SLIT3: variants seen among roughly 807,000 people sequenced by gnomAD.
SLIT3 encodes slit guidance ligand 3.
SLIT3 carries 68 observed loss-of-function variants against 184.0 expected under a neutral mutation model. That is an observed-to-expected ratio of 0.37 (90% CI 0.30 to 0.45). SLIT3 has a LOEUF of 0.45. SLIT3 is among the 20% of genes least tolerant of loss of function. The pLI, the probability that SLIT3 is intolerant of heterozygous loss-of-function variation, is 1.00. For synonymous variants in SLIT3, 831 were observed against 828.6 expected (o/e 1.00, Z -0.05); for missense variants, 1,707 against 2,026.0 (o/e 0.84, Z 3.02).
intron 30 of SLIT3, among the ~76,000 whole-genome samples, chr5:168,686,255 G>C (rs749846085): frequency 3.3e-4 from 50 of 152,174 alleles, no homozygotes; most frequent in Admixed American, 1.8e-3. Flanking sequence ...TAAAATCATG[G>C]AGTTGGACTA....
At chr5:168,896,884 C>T (rs1040989661) in intron 4 of SLIT3, among the ~76,000 whole-genome samples, 6 of 152,162 alleles carry the variant, frequency 3.9e-5, no homozygotes, top group African/African-American at 1.4e-4. Context: ...ACTTCTGTGC[C>T]GGCTCAGGGC....
intron 3 of SLIT3, among the ~76,000 whole-genome samples, chr5:169,211,633 G>A (rs1764268469): frequency 6.6e-6 from 1 of 151,878 alleles, no homozygotes; most frequent in Non-Finnish European, 1.5e-5. Flanking sequence ...ACATGTCTAA[G>A]TAGCTGGCAT....
chr5:168,878,039 T>TA (rs1759801073), intron 5 of SLIT3, among the ~76,000 whole-genome samples: 1 of 152,204 alleles, frequency 6.6e-6, no homozygotes, highest in South Asian at 2.1e-4. Flanking sequence ...GCCCAGTACC[T>TA]AGCACAGTTT....
At chr5:168,666,722 G>C in intron 35 of SLIT3, 33 bp from the exon 36 acceptor site, 1 of 1,613,740 alleles carries the variant, frequency 6.2e-7, no homozygotes, top group South Asian at 1.1e-5. Flanking sequence ...GGCATTGGTG[G>C]TCTAGGTGGC....
At chr5:169,065,126 C>A (rs947172231) in intron 4 of SLIT3, among the ~76,000 whole-genome samples, 102 of 152,140 alleles carry the variant, frequency 6.7e-4, no homozygotes, top group African/African-American at 2.2e-3. Flanking sequence ...AGGTGCAAAG[C>A]GAAACCTGCA....
intron 4 of SLIT3, among the ~76,000 whole-genome samples, chr5:169,168,276 C>T (rs1334147795): frequency 2.0e-5 from 3 of 152,136 alleles, no homozygotes; most frequent in East Asian, 1.9e-4. Flanking sequence ...TATCCAAAAC[C>T]GCTCACTCAA....
chr5:168,919,983 T>C (rs942142771), intron 4 of SLIT3, among the ~76,000 whole-genome samples: 38 of 152,320 alleles, frequency 2.5e-4, no homozygotes, highest in Middle Eastern at 3.4e-3. Flanking sequence ...TCAGTAGATA[T>C]AGTACTAAGT....
chr5:168,708,313 A>T, intron 25 of SLIT3: 1 of 612,344 alleles, frequency 1.6e-6, no homozygotes, highest in Non-Finnish European at 2.9e-6. Context: ...TCACAGTGGG[A>T]CATCATTCAG....
chr5:168,998,546 A>G (rs1755590073), intron 4 of SLIT3, among the ~76,000 whole-genome samples: 1 of 152,096 alleles, frequency 6.6e-6, no homozygotes, highest in Non-Finnish European at 1.5e-5. Flanking sequence ...TCTACTAAAA[A>G]TACAAAAATT....
chr5:168,863,045 C>T (rs181244342), intron 5 of SLIT3, among the ~76,000 whole-genome samples: 11 of 152,268 alleles, frequency 7.2e-5, no homozygotes, highest in East Asian at 3.9e-4. Flanking sequence ...CAGACGGAGA[C>T]GAATGCCATG....
intron 3 of SLIT3, among the ~76,000 whole-genome samples, chr5:169,227,658 C>T (rs1450372526): frequency 6.6e-6 from 1 of 152,220 alleles, no homozygotes; most frequent in East Asian, 1.9e-4. Context: ...AAAGTGACCT[C>T]AAGGTGATCC....
At position 169,222,509 on chromosome 5, in the gene SLIT3, T is replaced by C. The variant is rs143773620; in HGVS notation, c.341+22196A>G. On this transcript the variant is annotated intron_variant, in intron 3 of 35. Transcript: ENST00000519560. ...CTCAGGTGACAATTACTTGTCAGGA[T>C]TGTGATGAAAGAAAAAAAAGATAGT... Among the ~76,000 whole-genome samples, 536 of 152,194 alleles carry C rather than the reference T, an allele frequency of 3.5e-3. 2 individuals carry two copies. Among genetic ancestry groups the C allele is most frequent in the African/African-American group, 0.012 (512 of 41,518 alleles).
rs1466483151 is a variant in SLIT3, at chr5:168,724,500, A to G, written c.2271-16T>C. Reference sequence around the variant, plus strand: ...TTCCAGGTACCTGAAAGAGGTGTGGAGAGACAACACCTGAGAAAGAGACAC... The same window carrying G: ...TTCCAGGTACCTGAAAGAGGTGTGGGGAGACAACACCTGAGAAAGAGACAC... On this transcript the variant is annotated splice_polypyrimidine_tract_variant and intron_variant, in intron 20 of 35. Coordinates refer to ENST00000519560, the MANE Select transcript of SLIT3 (RefSeq NM_003062.4). 1.2e-6 allele frequency: 2 copies of G among 1,608,050 alleles called. No homozygotes were observed. Among genetic ancestry groups the G allele is most frequent in the African/African-American group, 2.7e-5 (2 of 74,932 alleles).
chr5:168,666,110 TTTAAAGCATTTTTATTAGTCTA>T lies in SLIT3; in HGVS notation c.*322_*343del. On this transcript the variant is annotated 3_prime_UTR_variant, in exon 36 of 36. Transcript: ENST00000519560. Reference sequence around the variant, plus strand: ...TCATTCTTTATTCTTATCCTTTTGTTTTAAAGCATTTTTATTAGTCTATTTTTTTCTTAAATTTTTAAACAGC... The same window carrying T: ...TCATTCTTTATTCTTATCCTTTTGTTTTTTTTTCTTAAATTTTTAAACAGC... 1 of 173,230 alleles carries T rather than the reference TTTAAAGCATTTTTATTAGTCTA, an allele frequency of 5.8e-6. No homozygotes were observed. The highest frequency in any genetic ancestry group is 1.2e-5 in the Non-Finnish European group (1 of 82,868). 10.7% of individuals were successfully genotyped at this position (173,230 alleles called of 1,614,324 possible). A position where few individuals can be genotyped will look rare whatever the true frequency, so the allele number is the denominator to read the frequency against.
At chr5:168,945,503 C>T (rs770678145) in intron 4 of SLIT3, among the ~76,000 whole-genome samples, 18 of 152,042 alleles carry the variant, frequency 1.2e-4, no homozygotes, top group South Asian at 2.1e-4. Flanking sequence ...CCCAAAGTGC[C>T]GGGATTACAG....
chr5:169,036,847 C>A (rs1757271860), intron 4 of SLIT3, among the ~76,000 whole-genome samples: 3 of 152,196 alleles, frequency 2.0e-5, no homozygotes, highest in East Asian at 1.9e-4. Flanking sequence ...GGACGACCTT[C>A]TTCCGGGACC....
intron 4 of SLIT3, among the ~76,000 whole-genome samples, chr5:169,004,038 C>T (rs77093796): frequency 0.029 from 4,435 of 152,216 alleles, 220 homozygotes; most frequent in African/African-American, 0.1. Context: ...GAATTATTCC[C>T]TTCCTCTACT....
intron 20 of SLIT3, among the ~76,000 whole-genome samples, chr5:168,741,494 A>G (rs1349597083): frequency 4.0e-5 from 6 of 151,438 alleles, no homozygotes; most frequent in Non-Finnish European, 7.4e-5. Flanking sequence ...AAAAAAAAAA[A>G]AAGAAGACAA....
chr5:168,688,998 A>G (rs1009293607), intron 29 of SLIT3, among the ~76,000 whole-genome samples: 2 of 152,244 alleles, frequency 1.3e-5, no homozygotes, highest in African/African-American at 4.8e-5. Flanking sequence ...TCTCACTCTC[A>G]GACTAAGCAG....
Sources: allele counts gnomAD v4.1 joint callset (sites outside exome capture counted in the v4.1 genomes callset), GRCh38; gene constraint gnomAD v4.1.1; transcripts MANE v1.5; gene names NCBI Gene and HGNC (gene_info 2026-07-23, HGNC 2026-07-21).